Variants in TGFBR2 observed in about 807,000 individuals in gnomAD.
TGFBR2 encodes the protein TGF-beta receptor type-2.
A neutral mutation model predicts 49.0 loss-of-function variants in TGFBR2; 18 were observed. That is an observed-to-expected ratio of 0.37 (90% CI 0.25 to 0.54). TGFBR2 has a LOEUF of 0.54. TGFBR2 is among the 20% of genes least tolerant of loss of function. TGFBR2 has a pLI of 0.85. For missense variants in TGFBR2, 525 were observed against 722.6 expected (o/e 0.73, Z 3.13); for synonymous variants, 282 against 275.9 (o/e 1.02, Z -0.22).
chr3:30,666,371 C>T (rs1424008707), intron 3 of TGFBR2, among the ~76,000 whole-genome samples: 1 of 152,098 alleles, frequency 6.6e-6, no homozygotes, highest in Non-Finnish European at 1.5e-5. Flanking sequence ...TGGGGGTTCT[C>T]CTTCACATAA....
intron 1 of TGFBR2, among the ~76,000 whole-genome samples, chr3:30,636,880 C>T (rs560044113): frequency 2.8e-4 from 42 of 151,744 alleles, no homozygotes; most frequent in South Asian, 1.0e-3. Flanking sequence ...CTGGCTAACA[C>T]GGTGAAACCC....
Position 30,674,228 on chromosome 3 carries a change from C to T in TGFBR2, c.1378C>T (p.Arg460Cys), listed in dbSNP as rs104893811. 6.2e-7 allele frequency: 1 copy of T among 1,614,090 alleles called. No individual in the cohort carries two copies. Among genetic ancestry groups the T allele is most frequent in the Non-Finnish European group, 8.5e-7 (1 of 1,180,004 alleles). The stretch of plus-strand genomic sequence containing the variant: ...TCTGGTGCTCTGGGAAATGACATCT[C>T]GCTGTAATGCAGTGGGAGGTAGGTG... ...MALVLWEMTS[R>C]CNAVGEVKDY... The change falls in exon 5 of 7, where the codon CGC becomes TGC. Residue 460 changes from arginine to cysteine, a missense_variant. Physicochemically the swap from Arg to Cys is radical, Grantham distance 180 (BLOSUM62 -3). This residue lies in a region of TGFBR2 where 45 missense variants were observed against 111.0 expected (regional missense o/e 0.41). Transcript: ENST00000295754.
intron 1 of TGFBR2, among the ~76,000 whole-genome samples, chr3:30,614,295 A>G (rs1698092562): frequency 6.6e-6 from 1 of 152,078 alleles, no homozygotes; most frequent in African/African-American, 2.4e-5. Context: ...AAAACAAGGA[A>G]AAAGGCTTCT....
chr3:30,670,460 A>T (rs1411849869), intron 3 of TGFBR2, among the ~76,000 whole-genome samples: 2 of 152,232 alleles, frequency 1.3e-5, no homozygotes, highest in Non-Finnish European at 2.9e-5. Context: ...AGGCCTGCTC[A>T]TTAATGGGTA....
intron 3 of TGFBR2, among the ~76,000 whole-genome samples, chr3:30,665,963 A>G (rs978730632): frequency 1.3e-5 from 2 of 152,268 alleles, no homozygotes; most frequent in Non-Finnish European, 2.9e-5. Flanking sequence ...TTAAATAACA[A>G]TAGCAGCAGA....
At chr3:30,619,776 C>T (rs1698194456) in intron 1 of TGFBR2, among the ~76,000 whole-genome samples, 1 of 152,128 alleles carries the variant, frequency 6.6e-6, no homozygotes, top group Admixed American at 6.5e-5. Flanking sequence ...GTGGGCCTTC[C>T]TTGATTATCC....
In TGFBR2 at chr3:30,676,051, G is replaced by T. The variant is rs1299338957; in HGVS notation, c.1396+1805G>T. On this transcript the variant is annotated intron_variant, in intron 5 of 6. Coordinates refer to ENST00000295754, the MANE Select transcript of TGFBR2 (RefSeq NM_003242.6). The surrounding 1 kb of genome is among the most constrained non-coding windows in gnomAD (Gnocchi z 4.3). The stretch of plus-strand genomic sequence containing the variant: ...AAAGTTTAAGACAGTTATTTAGACG[G>T]TCTCTCACTTTGGGTTTCACTAATG... 6.6e-6 allele frequency among the ~76,000 whole-genome samples: 1 copy of T among 152,146 alleles called. No homozygotes were observed. The highest frequency in any genetic ancestry group is 2.4e-5 in the African/African-American group (1 of 41,434).
intron 1 of TGFBR2, among the ~76,000 whole-genome samples, chr3:30,635,952 T>C (rs1236582478): frequency 6.6e-6 from 1 of 152,174 alleles, no homozygotes; most frequent in Admixed American, 6.5e-5. Flanking sequence ...TGACCTCATG[T>C]TTGCATTTAA....
chr3:30,693,008 G>A lies in TGFBR2; in HGVS notation c.*1409G>A. ...GGAATTAAATCTGCACCTAACCAAG[G>A]TCCCTTGTAAGAAATGTCCATTCAA... On this transcript the variant is annotated 3_prime_UTR_variant, in exon 7 of 7. Coordinates refer to ENST00000295754, the MANE Select transcript of TGFBR2 (RefSeq NM_003242.6). 4.3e-6 allele frequency: 1 copy of A among 233,172 alleles called. No homozygotes were observed. Among genetic ancestry groups the A allele is most frequent in the African/African-American group, 2.2e-5 (1 of 45,404 alleles). 14.4% of individuals were successfully genotyped at this position (233,172 alleles called of 1,614,324 possible).
chr3:30,673,700 C>T (rs1699380601), intron 4 of TGFBR2, among the ~76,000 whole-genome samples: 1 of 151,886 alleles, frequency 6.6e-6, no homozygotes, highest in African/African-American at 2.4e-5. Flanking sequence ...ATTATTTTTA[C>T]CATAAGTCTT....
chr3:30,681,160 GAAAAAA>G lies in TGFBR2; in HGVS notation c.1396+6930_1396+6935del, dbSNP rs55729736. Among the ~76,000 whole-genome samples the G allele has an allele frequency of 5.5e-3, 458 of 82,964 alleles. 1 individual carries two copies. Among genetic ancestry groups the G allele is most frequent in the Non-Finnish European group, 8.5e-3 (364 of 42,730 alleles). The allele number at this position is 82,964 out of a possible 152,430, so 54.4% of individuals were successfully genotyped here. A position where few individuals can be genotyped will look rare whatever the true frequency, so the allele number is the denominator to read the frequency against. ...TCAAGTTGCTGCAGCCTTGTGAGATGAAAAAAAAAAAAAAAAAAAAAGTGCAAATGA... is the reference window on the plus strand; with the variant it reads ...TCAAGTTGCTGCAGCCTTGTGAGATGAAAAAAAAAAAAAAAGTGCAAATGA... On this transcript the variant is annotated intron_variant, in intron 5 of 6. Coordinates refer to ENST00000295754, the MANE Select transcript of TGFBR2 (RefSeq NM_003242.6).
At position 30,672,942 on chromosome 3, in the gene TGFBR2, CTGAG is replaced by C. The variant is rs778084344; in HGVS notation, c.1254+510_1254+513del. Among the ~76,000 whole-genome samples, 1 of 152,216 alleles carries C rather than the reference CTGAG, an allele frequency of 6.6e-6. No individual in the cohort carries two copies. Among genetic ancestry groups the C allele is most frequent in the Non-Finnish European group, 1.5e-5 (1 of 68,044 alleles). ...TGAAAGTAAAATAAGTACTTGTCGA[CTGAG>C]TGAGCACTTCCACTCTTGAAGCACT... is the stretch of plus-strand genomic sequence containing the variant. On this transcript the variant is annotated intron_variant, in intron 4 of 6. Transcript: ENST00000295754. The surrounding 1 kb of genome is among the most constrained non-coding windows in gnomAD (Gnocchi z 4.5).
chr3:30,674,696 T>C (rs1699403723), intron 5 of TGFBR2, among the ~76,000 whole-genome samples: 1 of 151,566 alleles, frequency 6.6e-6, no homozygotes. Flanking sequence ...CATTGTTTTA[T>C]TGGGCAAAAA....
chr3:30,609,170 T>G (rs1437086313), intron 1 of TGFBR2, among the ~76,000 whole-genome samples: 1 of 152,256 alleles, frequency 6.6e-6, no homozygotes, highest in African/African-American at 2.4e-5. Context: ...AATGGTTGAA[T>G]TAATGAATCA....
chr3:30,631,251 A>G (rs1698431864), intron 1 of TGFBR2, among the ~76,000 whole-genome samples: 9 of 152,082 alleles, frequency 5.9e-5, no homozygotes, highest in Admixed American at 5.9e-4. Flanking sequence ...CATATTGGCC[A>G]GGATGGTCTT....
At chr3:30,680,473 A>T (rs927515645) in intron 5 of TGFBR2, among the ~76,000 whole-genome samples, 5 of 152,138 alleles carry the variant, frequency 3.3e-5, no homozygotes, top group Non-Finnish European at 7.3e-5. Context: ...AATGCCAGGG[A>T]TACAGCAGTT....
intron 1 of TGFBR2, among the ~76,000 whole-genome samples, chr3:30,635,880 C>T (rs1286451644): frequency 2.6e-5 from 4 of 152,160 alleles, no homozygotes; most frequent in Non-Finnish European, 5.9e-5. Flanking sequence ...AAATCACACA[C>T]ATAAATGCAT....
intron 2 of TGFBR2, among the ~76,000 whole-genome samples, chr3:30,646,993 C>T (rs1698754194): frequency 6.6e-6 from 1 of 152,094 alleles, no homozygotes; most frequent in Non-Finnish European, 1.5e-5. Context: ...TTATTTTGAC[C>T]TGTGCTGGCC....
At chr3:30,614,545 T>C (rs1698096689) in intron 1 of TGFBR2, among the ~76,000 whole-genome samples, 1 of 152,212 alleles carries the variant, frequency 6.6e-6, no homozygotes, top group Admixed American at 6.5e-5. Flanking sequence ...CTTTTCTACA[T>C]AGGGAAATGA....
Sources: allele counts gnomAD v4.1 joint callset (sites outside exome capture counted in the v4.1 genomes callset), GRCh38; gene constraint gnomAD v4.1.1; regional missense constraint gnomAD v4.1.1; non-coding constraint Gnocchi (gnomAD v3.1); transcripts MANE v1.5; gene names NCBI Gene and HGNC (gene_info 2026-07-23, HGNC 2026-07-21).